The following SIDT1 variants were observed in gnomAD, a reference collection of about 807,000 sequenced individuals.
SIDT1 encodes the protein SID1 transmembrane family member 1.
A neutral mutation model predicts 107.5 loss-of-function variants in SIDT1; 101 were observed. The ratio of observed to expected loss-of-function variants is 0.94; its 90% CI spans 0.80 to 1.11. The LOEUF (loss-of-function observed/expected upper bound fraction) is 1.11. Ranked by LOEUF, SIDT1 falls within the 50% of genes least tolerant of loss-of-function variation. The probability of loss-of-function intolerance (pLI) is 0.00; values close to 1 mark genes in which losing one functional copy is unlikely to be tolerated. For missense variants in SIDT1, 1,076 were observed against 1,058.2 expected, an observed-to-expected ratio of 1.02 and a Z score of -0.23; for synonymous variants, 395 against 398.2, an observed-to-expected ratio of 0.99 and a Z score of 0.10.
At chr3:113,596,988 A>T (rs1463746962) in intron 10 of SIDT1, among the ~76,000 whole-genome samples, 1 of 152,324 alleles carries the variant, frequency 6.6e-6, no homozygotes, top group East Asian at 1.9e-4. Flanking sequence ...TTGAATTTGG[A>T]GGACTCAAGG....
In SIDT1 at chr3:113,607,097, C is replaced by A; in HGVS notation, c.1461C>A (p.His487Gln). 1 of 1,612,028 alleles carries A rather than the reference C, an allele frequency of 6.2e-7. No homozygotes were observed. The highest frequency in any genetic ancestry group is 8.5e-7 in the Non-Finnish European group (1 of 1,178,182). The change falls in exon 15 of 25, where the codon CAC (histidine) becomes CAA (glutamine). Residue 487 changes from histidine (H) to glutamine (Q), a missense_variant. His to Gln is a conservative substitution (Grantham distance 24). Coordinates refer to ENST00000264852, the MANE Select transcript of SIDT1 (RefSeq NM_017699.3). ...GTTACTACAACTTCCTCTGTGCTCA[C>A]CCCTTGGGCGTCCTGAGGTAAACCC... ...DICYYNFLCA[H>Q]PLGVLSAFNN...
In SIDT1 at chr3:113,619,120, C is replaced by A. The variant is rs114912391; in HGVS notation, c.2044-560C>A. Among the ~76,000 whole-genome samples, 4 of 152,180 alleles carry A rather than the reference C, an allele frequency of 2.6e-5. No individual in the cohort carries two copies. The East Asian group carries it at 7.7e-4, about 29-fold the overall frequency. ...GATTATAGGCGTGAGCCACCACACC[C>A]GGCCTATTGTCCTTTAAAATTGACC... On this transcript the variant is annotated intron_variant, in intron 20 of 24. Coordinates refer to ENST00000264852, the MANE Select transcript of SIDT1 (RefSeq NM_017699.3).
downstream of SIDT1, among the ~76,000 whole-genome samples, chr3:113,634,184 T>A (rs1947109737): frequency 6.6e-6 from 1 of 152,218 alleles, no homozygotes; most frequent in African/African-American, 2.4e-5. Context: ...AAACAGCTCC[T>A]CTGCCTAACT....
chr3:113,585,266 C>G lies in SIDT1; in HGVS notation c.997C>G (p.Leu333Val), dbSNP rs1238025155. 6.2e-7 allele frequency: 1 copy of G among 1,606,174 alleles called. No homozygotes were observed. Among genetic ancestry groups the G allele is most frequent in the South Asian group, 1.1e-5 (1 of 90,932 alleles). Reference sequence around the variant, plus strand: ...CCTTCTTGTTGGGTTTGTTCATTATCTGAGGTAGGTCAATCTTTTCTAGAA... The same window carrying G: ...CCTTCTTGTTGGGTTTGTTCATTATGTGAGGTAGGTCAATCTTTTCTAGAA... The part of the protein sequence containing the change: ...GCLLVGFVHY[L>V]RFQRKSIDGS... Residue 333 changes from leucine to valine, a missense_variant, in exon 9 of 25, where the codon CTG becomes GTG. Leu to Val is a conservative substitution (Grantham distance 32, BLOSUM62 1). Coordinates refer to ENST00000264852, the MANE Select transcript of SIDT1 (RefSeq NM_017699.3).
intron 9 of SIDT1, among the ~76,000 whole-genome samples, chr3:113,591,429 C>T (rs1171519973): frequency 6.6e-6 from 1 of 151,114 alleles, no homozygotes; most frequent in Non-Finnish European, 1.5e-5. Context: ...CAGAAATGGA[C>T]AAACTGATCC....
intron 3 of SIDT1, among the ~76,000 whole-genome samples, chr3:113,576,643 T>C (rs940762480): frequency 6.6e-6 from 1 of 152,112 alleles, no homozygotes. Context: ...GCTACAAAAG[T>C]AAATAAACTA....
chr3:113,622,764 G>GA (rs1467111605), intron 21 of SIDT1, among the ~76,000 whole-genome samples: 1 of 152,158 alleles, frequency 6.6e-6, no homozygotes, highest in Non-Finnish European at 1.5e-5. Context: ...TTATAATAGT[G>GA]AAAAACCGAA....
chr3:113,559,358 C>A (rs1408093898), intron 1 of SIDT1, among the ~76,000 whole-genome samples: 1 of 152,092 alleles, frequency 6.6e-6, no homozygotes, highest in African/African-American at 2.4e-5. Context: ...ATTGTCAATA[C>A]CTGTGAGGCT....
Position 113,566,536 on chromosome 3 carries a change from A to C in SIDT1, c.339A>C (p.Gln113His). ...VLSWQVPLLF[Q>H]GLYQRSYNYQ... ...CCTGGCAGGTTCCTCTGCTCTTCCA[A>C]GGACTGTAAGTGGGTTTTCTTCCAG... Residue 113 changes from glutamine to histidine, a missense_variant, in exon 2 of 25, where the codon CAA becomes CAC. Physicochemically the swap from Gln to His is conservative, Grantham distance 24. Coordinates refer to ENST00000264852, the MANE Select transcript of SIDT1 (RefSeq NM_017699.3). 7 of 1,613,676 alleles carry C rather than the reference A, an allele frequency of 4.3e-6. No individual in the cohort carries two copies. The highest frequency in any genetic ancestry group is 5.9e-6 in the Non-Finnish European group (7 of 1,179,828).
chr3:113,593,072 T>C, intron 10 of SIDT1, 24 bp downstream of exon 10: 1 of 1,600,298 alleles, frequency 6.2e-7, no homozygotes, highest in South Asian at 1.1e-5. Flanking sequence ...TTGGTTTCAA[T>C]TCAAAATGGT....
At chr3:113,626,471 C>T (rs1008765446) in intron 24 of SIDT1, among the ~76,000 whole-genome samples, 4 of 152,162 alleles carry the variant, frequency 2.6e-5, no homozygotes, top group Non-Finnish European at 5.9e-5. Context: ...TTGCACAGCA[C>T]GTTTGTTCTG....
intron 1 of SIDT1, among the ~76,000 whole-genome samples, chr3:113,550,287 G>A (rs546470048): frequency 8.5e-5 from 13 of 152,266 alleles, no homozygotes; most frequent in Admixed American, 7.8e-4. Context: ...TCCTGTGATT[G>A]TTTGAGGCTT....
At chr3:113,615,021 C>T (rs1560131136) in intron 19 of SIDT1, 2 of 1,535,076 alleles carry the variant, frequency 1.3e-6, no homozygotes, top group Non-Finnish European at 1.7e-6. Flanking sequence ...TTACACGTCT[C>T]TCTTTTTTTT....
chr3:113,627,523 C>A (rs1946937175), intron 24 of SIDT1, 123 bp from the exon 25 acceptor site: 1 of 808,106 alleles, frequency 1.2e-6, no homozygotes, highest in Non-Finnish European at 2.1e-6. Context: ...CAGAGAGCTG[C>A]AGAAGGCATG....
intron 1 of SIDT1, among the ~76,000 whole-genome samples, chr3:113,551,806 C>CG (rs1309752913): frequency 3.4e-5 from 5 of 145,018 alleles, no homozygotes; most frequent in African/African-American, 1.3e-4. Context: ...CTGTGGATCC[C>CG]GGGGGTAAAG....
intron 9 of SIDT1, among the ~76,000 whole-genome samples, chr3:113,591,116 T>C (rs1330657768): frequency 3.9e-5 from 6 of 152,134 alleles, no homozygotes; most frequent in African/African-American, 9.7e-5. Context: ...ACTTTGCAGA[T>C]GGAGGAAGGG....
chr3:113,562,249 T>C (rs776436686), intron 1 of SIDT1, among the ~76,000 whole-genome samples: 3 of 152,226 alleles, frequency 2.0e-5, no homozygotes, highest in African/African-American at 4.8e-5. Flanking sequence ...CCTTATATAT[T>C]GCTTGCTAGG....
chr3:113,540,950 A>G (rs938902549), intron 1 of SIDT1, among the ~76,000 whole-genome samples: 5 of 152,164 alleles, frequency 3.3e-5, no homozygotes, highest in African/African-American at 1.2e-4. Flanking sequence ...GACAAAATCT[A>G]AATAACTAGT....
At chr3:113,542,232 C>A (rs1383724656) in intron 1 of SIDT1, among the ~76,000 whole-genome samples, 2 of 152,050 alleles carry the variant, frequency 1.3e-5, no homozygotes, top group Non-Finnish European at 2.9e-5. Context: ...ATTAGTAGGT[C>A]AGTTTTTCCC....
Sources: gnomAD v4.1 joint callset for allele counts (sites outside exome capture counted in the v4.1 genomes callset) on GRCh38, gnomAD v4.1.1 for gene constraint, MANE v1.5 for transcripts, NCBI Gene and HGNC (gene_info 2026-07-23, HGNC 2026-07-21) for gene names.